Variants in ESX1 observed in about 807,000 individuals in gnomAD.
ESX1 encodes ESX homeobox 1.
In ESX1, 2 loss-of-function variants were observed where a neutral mutation model predicts 13.2. That is an observed-to-expected ratio of 0.15 (90% CI 0.06 to 0.48). The LOEUF is 0.48. Among genes scored for constraint, ESX1 ranks in the 20% least tolerant of loss-of-function variants. The pLI is 0.97. For missense variants in ESX1, 307 were observed against 379.0 expected, an observed-to-expected ratio of 0.81 and a Z score of 1.58; for synonymous variants, 157 against 163.1, an observed-to-expected ratio of 0.96 and a Z score of 0.29.
rs1359201490 is a variant in ESX1 at position 104,254,255 on chromosome X, G to A, written c.405C>T (p.Pro135=). ...TGCGGCGGCGGCGTTTCCTCTCTGG[G>A]GGCTGTGGTCCCTCAGCGGTTTGTG... is the stretch of plus-strand genomic sequence containing the variant. ...EGPQTAEGPQ[P]PERKRRRRTA... Residue 135 remains proline, a synonymous_variant, in exon 2 of 4, where the codon CCC becomes CCT. Coordinates refer to ENST00000372588, the MANE Select transcript of ESX1 (RefSeq NM_153448.4). 9.9e-6 allele frequency: 12 copies of A among 1,210,932 alleles called. No individual in the cohort carries two copies. The highest frequency in any genetic ancestry group is 5.2e-5 in the African/African-American group (3 of 57,543).
At chrX:104,251,891 A>G (rs1923191914) in intron 3 of ESX1, among the ~76,000 whole-genome samples, 2 of 112,378 alleles carry the variant, frequency 1.8e-5, no homozygotes, top group Middle Eastern at 4.6e-3. Context: ...TGGTAGTTTC[A>G]TAAAGTTGAA....
intron 2 of ESX1, 105 bp downstream of exon 2, chrX:104,254,049 C>A: frequency 9.7e-7 from 1 of 1,033,918 alleles, no homozygotes; most frequent in Non-Finnish European, 1.3e-6. Flanking sequence ...CCACGTCCCC[C>A]AAAAACCAAG....
rs782089775 is a variant in ESX1 at position 104,254,189 on chromosome X, A to G, written c.471T>C (p.Phe157=). Residue 157 remains phenylalanine, a synonymous_variant, in exon 2 of 4, where the codon TTT becomes TTC. Transcript: ENST00000372588. ...TQFQLQELEN[F]FDESQYPDVV... ...CGTCGGGATATTGAGATTCATCGAA[A>G]AAGTTCTCTAGCTCCTGCAGCTGAA... The G allele has an allele frequency of 1.4e-5, 17 of 1,208,561 alleles. 1 individual carries two copies. The South Asian group carries it at 3.0e-4, about 21-fold the overall frequency.
At position 104,250,490 on chromosome X, in the gene ESX1, G is replaced by T. The variant is rs191202058; in HGVS notation, c.959C>A (p.Pro320His). ...APVPTGPPMAPVPPGPPMARV... is the reference protein window; with the variant it reads ...APVPTGPPMAHVPPGPPMARV... The stretch of plus-strand genomic sequence containing the variant: ...CGCCATGGGCGGCCCGGGTGGCACA[G>T]GCGCCATGGGCGGCCCGGTTGGCAC... Residue 320 changes from proline to histidine, a missense_variant, in exon 4 of 4, where the codon CCT (proline) becomes CAT (histidine). By Grantham distance (77) the Pro-to-His change is moderately conservative. Coordinates refer to ENST00000372588, the MANE Select transcript of ESX1 (RefSeq NM_153448.4). The T allele has an allele frequency of 1.7e-4, 138 of 814,994 alleles. No individual in the cohort carries two copies. In the African/African-American group the frequency reaches 2.9e-3, roughly 17 times the overall value. 67.2% of individuals were successfully genotyped at this position (814,994 alleles called of 1,213,427 possible).
chrX:104,254,252 TG>T lies in ESX1; in HGVS notation c.407del (p.Pro136GlnfsTer19). On this transcript the variant is annotated frameshift_variant, in exon 2 of 4. Coordinates refer to ENST00000372588, the MANE Select transcript of ESX1 (RefSeq NM_153448.4). LOFTEE classifies it high-confidence loss of function. ...CGGTGCGGCGGCGGCGTTTCCTCTC[TG>T]GGGGCTGTGGTCCCTCAGCGGTTTG... ...GPQTAEGPQP[P>X]ERKRRRRTAF... The T allele has an allele frequency of 8.3e-7, 1 of 1,212,106 alleles. No homozygotes were observed. The highest frequency in any genetic ancestry group is 1.1e-6 in the Non-Finnish European group (1 of 895,543).
chrX:104,254,013 C>G (rs1230451173), intron 2 of ESX1, 141 bp downstream of exon 2: 2 of 752,530 alleles, frequency 2.7e-6, no homozygotes, highest in Non-Finnish European at 3.9e-6. Flanking sequence ...CCGCCCCAGT[C>G]TTTTACATCC....
rs1602541419 is a variant in ESX1, at chrX:104,250,806, A to G, written c.643T>C (p.Leu215=). ...TAGGCCCCACCCAAGAACATGTCCAAAGGGTGGGCCAGGTCAGCAGTAGCA... is the reference window on the plus strand; with the variant it reads ...TAGGCCCCACCCAAGAACATGTCCAGAGGGTGGGCCAGGTCAGCAGTAGCA... ...NTATADLAHP[L]DMFLGGAYYA... Residue 215 remains leucine, a synonymous_variant, in exon 4 of 4, where the codon TTG becomes CTG. Transcript: ENST00000372588. The G allele has an allele frequency of 1.7e-6, 2 of 1,211,561 alleles. No homozygotes were observed. The highest frequency in any genetic ancestry group is 1.7e-5 in the African/African-American group (1 of 57,831).
At chrX:104,253,612 A>G (rs980259252) in intron 2 of ESX1, among the ~76,000 whole-genome samples, 12 of 110,566 alleles carry the variant, frequency 1.1e-4, no homozygotes, top group African/African-American at 3.9e-4. Flanking sequence ...CCTTAACCCT[A>G]CTCTGACCTG....
intron 3 of ESX1, 118 bp from the exon 4 acceptor site, chrX:104,251,014 AT>A: frequency 1.6e-6 from 1 of 633,136 alleles, no homozygotes; most frequent in Non-Finnish European, 2.4e-6. Context: ...AGGTGAAGCT[AT>A]TTTCTTATTG....
chrX:104,253,431 A>T (rs1020857219), intron 2 of ESX1, among the ~76,000 whole-genome samples: 2 of 111,183 alleles, frequency 1.8e-5, no homozygotes, highest in African/African-American at 6.5e-5. Flanking sequence ...ATTAAATGCC[A>T]AAACACCTTT....
chrX:104,250,578 T>C lies in ESX1; in HGVS notation c.871A>G (p.Met291Val), dbSNP rs374876713. ...RMAPVPPGPR[M>V]APVPPWPPMA... ...GGCGGCCAGGGTGGCACAGGCGCCA[T>C]GCGTGGCCCGGGTGGCACAGGCGCC... Residue 291 changes from methionine to valine, a missense_variant, in exon 4 of 4, where the codon ATG becomes GTG. By Grantham distance (21) the Met-to-Val change is conservative. Around this residue, in one of 3 missense-constraint regions of ESX1, gnomAD observed 108 missense variants for 147.5 expected, o/e 0.73. Coordinates refer to ENST00000372588, the MANE Select transcript of ESX1 (RefSeq NM_153448.4). 2.0e-5 allele frequency: 23 copies of C among 1,174,535 alleles called. No homozygotes were observed. Among genetic ancestry groups the C allele is most frequent in the Non-Finnish European group, 1.1e-6 (1 of 875,718 alleles).
At position 104,250,488 on chromosome X, in the gene ESX1, C is replaced by CACGCGCCATGGGCGGCCCGGGTGGCAG. The variant is rs1923146518; in HGVS notation, c.960_961insCTGCCACCCGGGCCGCCCATGGCGCGT (p.Pro320_Val321insLeuProProGlyProProMetAlaArg). ...CGCGCCATGGGCGGCCCGGGTGGCACAGGCGCCATGGGCGGCCCGGTTGGC... is the reference window on the plus strand; with the variant it reads ...CGCGCCATGGGCGGCCCGGGTGGCACACGCGCCATGGGCGGCCCGGGTGGCAGAGGCGCCATGGGCGGCCCGGTTGGC... On this transcript the variant is annotated inframe_insertion, in exon 4 of 4. Coordinates refer to ENST00000372588, the MANE Select transcript of ESX1 (RefSeq NM_153448.4). 1 of 952,647 alleles carries CACGCGCCATGGGCGGCCCGGGTGGCAG rather than the reference C, an allele frequency of 1.0e-6. No homozygotes were observed. Among genetic ancestry groups the CACGCGCCATGGGCGGCCCGGGTGGCAG allele is most frequent in the African/African-American group, 2.2e-5 (1 of 44,990 alleles). 78.5% of individuals were successfully genotyped at this position (952,647 alleles called of 1,213,427 possible). A position where few individuals can be genotyped will look rare whatever the true frequency, so the allele number is the denominator to read the frequency against.
rs782662363 is a variant in ESX1, at chrX:104,250,436, C to T, written c.1013G>A (p.Arg338His). 19 of 825,073 alleles carry T rather than the reference C, an allele frequency of 2.3e-5. No homozygotes were observed. The highest frequency in any genetic ancestry group is 8.6e-5 in the African/African-American group (2 of 23,146). 68.0% of individuals were successfully genotyped at this position (825,073 alleles called of 1,213,427 possible). A position where few individuals can be genotyped will look rare whatever the true frequency, so the allele number is the denominator to read the frequency against. The change falls in exon 4 of 4, where the codon CGT becomes CAT. Residue 338 changes from arginine (R) to histidine (H), a missense_variant. Arg to His is a conservative substitution (Grantham distance 29). This residue lies in a region of ESX1 where 47 missense variants were observed against 117.0 expected (regional missense o/e 0.40). Coordinates refer to ENST00000372588, the MANE Select transcript of ESX1 (RefSeq NM_153448.4). ...CGCCATGGGCGGCCCGGGTGGCACACGCGCCATGGGCGGCCCGGGTGGCAC... is the reference window on the plus strand; with the variant it reads ...CGCCATGGGCGGCCCGGGTGGCACATGCGCCATGGGCGGCCCGGGTGGCAC... ...ARVPPGPPMA[R>H]VPPGPPMAPL... is the part of the protein sequence containing the mutation.
intron 2 of ESX1, 94 bp downstream of exon 2, chrX:104,254,060 G>A: frequency 1.9e-6 from 2 of 1,062,715 alleles, no homozygotes; most frequent in Non-Finnish European, 2.5e-6. Flanking sequence ...AAAAACCAAG[G>A]GCGGAGGCAG....
intron 3 of ESX1, 45 bp from the exon 4 acceptor site, chrX:104,250,941 A>G: frequency 9.4e-7 from 1 of 1,058,668 alleles, no homozygotes; most frequent in Non-Finnish European, 1.3e-6. Flanking sequence ...TGAACAGTTA[A>G]CGTCATAATA....
rs1397874754 is a variant in ESX1, at chrX:104,254,891, C to T, written c.-42G>A. The T allele has an allele frequency of 1.8e-6, 2 of 1,094,462 alleles. No homozygotes were observed. Among genetic ancestry groups the T allele is most frequent in the East Asian group, 3.0e-5 (1 of 33,096 alleles). 90.2% of individuals were successfully genotyped at this position (1,094,462 alleles called of 1,213,427 possible). ...ATAAAGCTGTGCACTTCTGCAGACT[C>T]TGTGCGTGGTTCCGCGGCGATCCCG... is the stretch of plus-strand genomic sequence containing the variant. On this transcript the variant is annotated 5_prime_UTR_variant, in exon 1 of 4. Transcript: ENST00000372588.
chrX:104,254,630 G>C, intron 1 of ESX1, 53 bp from the exon 2 acceptor site: 1 of 1,175,854 alleles, frequency 8.5e-7, no homozygotes, highest in Non-Finnish European at 1.2e-6. Context: ...CCCACGGCGC[G>C]TGGGCTGGAG....
Position 104,250,263 on chromosome X carries a change from C to T in ESX1, c.1186G>A (p.Val396Ile). 8.3e-7 allele frequency: 1 copy of T among 1,210,029 alleles called. No homozygotes were observed. Reference protein sequence around the residue: ...LAPVHITWAPVINSYYACPFF With the variant: ...LAPVHITWAPIINSYYACPFF ...GGACATGCATAATAACTGTTGATGACAGGGGCCCATGTGATGTGTACAGGA... is the reference window on the plus strand; with the variant it reads ...GGACATGCATAATAACTGTTGATGATAGGGGCCCATGTGATGTGTACAGGA... The change falls in exon 4 of 4, where the codon GTC (valine) becomes ATC (isoleucine). Residue 396 changes from valine (V) to isoleucine (I), a missense_variant. Physicochemically the swap from Val to Ile is conservative, Grantham distance 29 (BLOSUM62 3). Transcript: ENST00000372588.
At chrX:104,252,901 G>T in intron 2 of ESX1, 73 bp from the exon 3 acceptor site, 1 of 1,004,089 alleles carries the variant, frequency 1.0e-6, no homozygotes, top group Non-Finnish European at 1.4e-6. Flanking sequence ...ACGTGGCTCG[G>T]CTCAGCACTT....
Sources: allele counts gnomAD v4.1 joint callset (sites outside exome capture counted in the v4.1 genomes callset), GRCh38; gene constraint gnomAD v4.1.1; regional missense constraint gnomAD v4.1.1; transcripts MANE v1.5; gene names NCBI Gene and HGNC (gene_info 2026-07-23, HGNC 2026-07-21).